Variants in MSTO1 observed in about 807,000 individuals in gnomAD.
MSTO1 encodes protein misato homolog 1.
MSTO1 carries 24 observed loss-of-function variants against 55.7 expected under a neutral mutation model. The observed-to-expected ratio is 0.43, with a 90% CI of 0.31 to 0.61. MSTO1 has a LOEUF of 0.61. Among genes scored for constraint, MSTO1 ranks in the 20% least tolerant of loss-of-function variants. The pLI is 0.09. For missense variants in MSTO1, 363 were observed against 625.7 expected, an observed-to-expected ratio of 0.58 and a Z score of 4.48; for synonymous variants, 162 against 252.8, an observed-to-expected ratio of 0.64 and a Z score of 3.41.
the MSTO1 span, among the ~76,000 whole-genome samples, chr1:155,581,854 C>T: frequency 2.0e-5 from 3 of 150,912 alleles, no homozygotes; most frequent in Non-Finnish European, 2.9e-5. Flanking sequence ...AGTGCAGTGG[C>T]GCGATCTTGG....
the MSTO1 span, chr1:155,590,898 C>T: frequency 6.2e-7 from 1 of 1,612,838 alleles, no homozygotes; most frequent in Non-Finnish European, 8.5e-7. Flanking sequence ...CAAAGACAAT[C>T]CCAGAGGTGA....
At chr1:155,564,994 G>A in the MSTO1 span, among the ~76,000 whole-genome samples, 6 of 152,082 alleles carry the variant, frequency 3.9e-5, no homozygotes, top group East Asian at 1.9e-4. Context: ...GGTGGTGGGC[G>A]CCTGTAATCC....
the MSTO1 span, among the ~76,000 whole-genome samples, chr1:155,572,503 G>A: frequency 6.6e-6 from 1 of 152,030 alleles, no homozygotes; most frequent in Non-Finnish European, 1.5e-5. Flanking sequence ...CACGAAGTCA[G>A]GAGTTCAAGA....
chr1:155,578,472 G>T, the MSTO1 span, among the ~76,000 whole-genome samples: 1 of 145,074 alleles, frequency 6.9e-6, no homozygotes, highest in African/African-American at 2.6e-5. Context: ...CCAAGTAGCT[G>T]GAACTACAGG....
At chr1:155,603,814 C>T in the MSTO1 span, among the ~76,000 whole-genome samples, 15 of 152,102 alleles carry the variant, frequency 9.9e-5, no homozygotes, top group African/African-American at 2.9e-4. Flanking sequence ...GCTGAGATCA[C>T]GCCACTGTAC....
the MSTO1 span, among the ~76,000 whole-genome samples, chr1:155,571,056 T>C: frequency 1.2e-4 from 19 of 152,166 alleles, no homozygotes; most frequent in African/African-American, 4.3e-4. Context: ...CCGGACACAA[T>C]GCTCACATGT....
At chr1:155,606,120 A>C (rs1388161551), upstream of MSTO1, among the ~76,000 whole-genome samples, 1 of 129,790 alleles carries the variant, frequency 7.7e-6, no homozygotes, top group Non-Finnish European at 1.6e-5. Context: ...TGCAACCTCC[A>C]CCTCCTGGGT....
the MSTO1 span, among the ~76,000 whole-genome samples, chr1:155,575,383 C>G: frequency 6.6e-6 from 1 of 151,996 alleles, no homozygotes; most frequent in Non-Finnish European, 1.5e-5. Context: ...TTTTCATGTG[C>G]TTATTGGCCA....
chr1:155,563,833 T>C, the MSTO1 span: 3 of 341,552 alleles, frequency 8.8e-6, no homozygotes, highest in Non-Finnish European at 1.7e-5. Flanking sequence ...ATAGGGAAAG[T>C]GCAGAATATT....
At chr1:155,597,820 G>C in the MSTO1 span, among the ~76,000 whole-genome samples, 2 of 143,902 alleles carry the variant, frequency 1.4e-5, no homozygotes, top group Middle Eastern at 8.5e-3. Context: ...ACTACTTTTT[G>C]TCTTTTTTTT....
In MSTO1 at chr1:155,612,422, C is replaced by G; in HGVS notation, c.818C>G (p.Ala273Gly). The G allele has an allele frequency of 6.2e-7, 1 of 1,610,722 alleles. No individual in the cohort carries two copies. The highest frequency in any genetic ancestry group is 1.3e-5 in the African/African-American group (1 of 74,830). The part of the protein sequence containing the change: ...LLPGPYHRGE[A>G]QRNIYRLLNT... ...AAACTACTCTTTCTTCACCAGGAGG[C>G]CCAGAGAAACATCTATCGTCTATTA... The change falls in exon 9 of 14, where the codon GCC becomes GGC. Residue 273 changes from alanine to glycine, a missense_variant. By Grantham distance (60) the Ala-to-Gly change is moderately conservative. Around this residue, in one of 3 missense-constraint regions of MSTO1, gnomAD observed 231 missense variants for 286.9 expected, o/e 0.81. Coordinates refer to ENST00000245564, the MANE Select transcript of MSTO1 (RefSeq NM_018116.4).
At chr1:155,574,790 A>ACTC in the MSTO1 span, among the ~76,000 whole-genome samples, 2 of 151,022 alleles carry the variant, frequency 1.3e-5, no homozygotes, top group African/African-American at 4.9e-5. Context: ...CTGGTCTCGA[A>ACTC]CTCCTGGTCT....
Position 155,613,583 on chromosome 1 carries a change from C to T in MSTO1, c.1388+17C>T. 1.3e-6 allele frequency: 2 copies of T among 1,598,928 alleles called. No individual in the cohort carries two copies. The highest frequency in any genetic ancestry group is 1.7e-6 in the Non-Finnish European group (2 of 1,169,430). On this transcript the variant is annotated intron_variant, in intron 12 of 13. Transcript: ENST00000245564. ...AGTCATGAGGTCAGTGTAACGGTTG[C>T]TCCTGCCCTTCTTGCCAACCGCAAC... is the stretch of plus-strand genomic sequence containing the variant.
chr1:155,612,031 G>T lies in MSTO1; in HGVS notation c.609G>T (p.Lys203Asn). The T allele has an allele frequency of 6.3e-7, 1 of 1,593,880 alleles. No individual in the cohort carries two copies. Among genetic ancestry groups the T allele is most frequent in the Non-Finnish European group, 8.5e-7 (1 of 1,171,822 alleles). ...EAFGQGESVLKEPKYQEELED... is the reference protein window; with the variant it reads ...EAFGQGESVLNEPKYQEELED... ...TTGGCCAAGGGGAAAGTGTCCTAAA[G>T]GAACCCAAGTACCAGGAAGAGCTGG... The change falls in exon 7 of 14, where the codon AAG (lysine) becomes AAT (asparagine). Residue 203 changes from lysine to asparagine, a missense_variant. By Grantham distance (94) the Lys-to-Asn change is moderately conservative (BLOSUM62 0). This residue lies in a region of MSTO1 where 94 missense variants were observed against 212.4 expected (regional missense o/e 0.44). Coordinates refer to ENST00000245564, the MANE Select transcript of MSTO1 (RefSeq NM_018116.4).
the MSTO1 span, among the ~76,000 whole-genome samples, chr1:155,600,104 A>G: frequency 1.2e-4 from 19 of 152,270 alleles, no homozygotes; most frequent in African/African-American, 4.1e-4. Flanking sequence ...CGGGCTGGGG[A>G]ACGGTCAGGT....
chr1:155,592,770 G>C, the MSTO1 span, among the ~76,000 whole-genome samples: 53 of 152,210 alleles, frequency 3.5e-4, no homozygotes, highest in African/African-American at 1.1e-3. Context: ...GTCCAGGCTG[G>C]TCTCGAACTC....
chr1:155,602,651 CATTTTTA>C, the MSTO1 span, among the ~76,000 whole-genome samples: 3 of 152,110 alleles, frequency 2.0e-5, no homozygotes, highest in African/African-American at 7.2e-5. Flanking sequence ...ATAACTGTAT[CATTTTTA>C]ATTTCTTTCA....
At chr1:155,613,940 A>C in intron 13 of MSTO1, 119 bp from the exon 14 acceptor site, 1 of 1,167,144 alleles carries the variant, frequency 8.6e-7, no homozygotes, top group Non-Finnish European at 1.2e-6. Flanking sequence ...GGGACAATAC[A>C]CCAAATTTGT....
At chr1:155,582,990 C>T in the MSTO1 span, among the ~76,000 whole-genome samples, 1 of 150,998 alleles carries the variant, frequency 6.6e-6, no homozygotes, top group Admixed American at 6.6e-5. Flanking sequence ...CTCAGCCTCC[C>T]AAGTAGCTGA....
Sources: allele counts gnomAD v4.1 joint callset (sites outside exome capture counted in the v4.1 genomes callset), GRCh38; gene constraint gnomAD v4.1.1; regional missense constraint gnomAD v4.1.1; transcripts MANE v1.5; gene names NCBI Gene and HGNC (gene_info 2026-07-23, HGNC 2026-07-21).